The following GPHN variants were observed in gnomAD, a reference collection of about 807,000 sequenced individuals.
GPHN encodes the protein gephyrin.
In GPHN, 17 loss-of-function variants were observed where a neutral mutation model predicts 95.5. The ratio of observed to expected loss-of-function variants is 0.18; its 90% confidence interval spans 0.12 to 0.27. The LOEUF (loss-of-function observed/expected upper bound fraction) is 0.27, where lower values mean the gene tolerates loss of function less well. GPHN is among the 10% of genes least tolerant of loss of function. The probability of loss-of-function intolerance (pLI) is 1.00; values close to 1 mark genes in which losing one functional copy is unlikely to be tolerated. For missense variants in GPHN, 660 were observed against 978.1 expected (o/e 0.67, Z 4.34); for synonymous variants, 320 against 322.5 (o/e 0.99, Z 0.08).
the GPHN span, chr14:67,208,507 A>G: frequency 0.15 from 231,983 of 1,549,768 alleles, 24,916 homozygotes; most frequent in East Asian, 0.43. Flanking sequence ...TAATAAAGAA[A>G]TATGTGCTTT....
chr14:67,317,613 G>A, the GPHN span: 1 of 542,916 alleles, frequency 1.8e-6, no homozygotes, highest in Non-Finnish European at 3.2e-6. Context: ...GGAATCCTGT[G>A]AGTAAGGCAG....
the GPHN span, among the ~76,000 whole-genome samples, chr14:67,730,788 G>T: frequency 2.0e-5 from 3 of 152,042 alleles, no homozygotes; most frequent in African/African-American, 7.2e-5. Context: ...ATTTTTAGTC[G>T]AGATGGGCTT....
chr14:67,641,187 A>C, the GPHN span, among the ~76,000 whole-genome samples: 45 of 152,294 alleles, frequency 3.0e-4, no homozygotes, highest in African/African-American at 1.1e-3. Flanking sequence ...AAGATGATTT[A>C]AAATATTATA....
At chr14:67,205,569 AAAC>A in the GPHN span, among the ~76,000 whole-genome samples, 1 of 152,366 alleles carries the variant, frequency 6.6e-6, no homozygotes, top group East Asian at 1.9e-4. Context: ...GGATAATAAA[AAAC>A]AAAACAAAGT....
the GPHN span, chr14:67,559,696 G>T: frequency 6.3e-7 from 1 of 1,593,220 alleles, no homozygotes; most frequent in South Asian, 1.1e-5. Flanking sequence ...GCAAAGGTGG[G>T]TTGGAAACTC....
the GPHN span, chr14:67,706,084 A>G: frequency 6.6e-6 from 1 of 152,096 alleles, no homozygotes. Flanking sequence ...GTTCAGCATC[A>G]ATATAGTGAC....
chr14:67,196,961 C>T, the GPHN span: 1 of 152,098 alleles, frequency 6.6e-6, no homozygotes, highest in Non-Finnish European at 1.5e-5. Flanking sequence ...CAGGCTCTCG[C>T]TCTGATGCCC....
At chr14:66,850,078 C>T (rs186481445) in intron 4 of GPHN, among the ~76,000 whole-genome samples, 3 of 152,060 alleles carry the variant, frequency 2.0e-5, no homozygotes, top group East Asian at 1.9e-4. Context: ...TCTAACTATC[C>T]TTTTCTTATG....
At chr14:67,678,273 C>T in the GPHN span, 1 of 1,161,464 alleles carries the variant, frequency 8.6e-7, no homozygotes, top group South Asian at 1.2e-5. Context: ...ACAAGAAGTA[C>T]TGTGTAGTCT....
chr14:66,966,085 C>A (rs1275941536), intron 9 of GPHN, among the ~76,000 whole-genome samples: 1 of 152,064 alleles, frequency 6.6e-6, no homozygotes, highest in Non-Finnish European at 1.5e-5. Flanking sequence ...ATATTGGTAT[C>A]AAAAGATTAA....
the GPHN span, among the ~76,000 whole-genome samples, chr14:67,219,233 G>A: frequency 3.3e-5 from 5 of 152,166 alleles, no homozygotes; most frequent in Admixed American, 3.3e-4. Flanking sequence ...AGGACTGTAG[G>A]TGTTTTTGGT....
chr14:67,047,334 TTG>T lies in GPHN; in HGVS notation c.1007-11287_1007-11286del, dbSNP rs778266656. ...TCATTTATTTTGTGTGTGTGTGTGT[TTG>T]TGTGTGTGTGTGTGTGTGTGTGTGT... On this transcript the variant is annotated intron_variant, in intron 10 of 22. Transcript: ENST00000478722. 4.4e-3 allele frequency among the ~76,000 whole-genome samples: 484 copies of T among 109,704 alleles called. 5 individuals are homozygous for T. The highest frequency in any genetic ancestry group is 0.026 in the Middle Eastern group (5 of 192). The allele number at this position is 109,704 out of a possible 152,430, so 72.0% of individuals were successfully genotyped here. A position where few individuals can be genotyped will look rare whatever the true frequency, so the allele number is the denominator to read the frequency against.
At chr14:67,301,932 C>T in the GPHN span, 1 of 1,564,416 alleles carries the variant, frequency 6.4e-7, no homozygotes, top group Non-Finnish European at 8.6e-7. Flanking sequence ...AGAAATAAAT[C>T]ATGCTGTTAC....
intron 1 of GPHN, among the ~76,000 whole-genome samples, chr14:66,590,791 C>T (rs1290363221): frequency 6.6e-6 from 1 of 152,178 alleles, no homozygotes; most frequent in East Asian, 1.9e-4. Flanking sequence ...GGAATCCTCC[C>T]TAACTCATTT....
the GPHN span, chr14:67,578,993 C>T: frequency 1.5e-6 from 1 of 657,502 alleles, no homozygotes; most frequent in East Asian, 2.7e-5. The surrounding 1 kb of genome is among the most constrained non-coding windows in gnomAD (Gnocchi z 5.0). Flanking sequence ...AATTAATGTC[C>T]CAGACCAGAG....
At chr14:67,091,394 T>C (rs551880413) in intron 12 of GPHN, among the ~76,000 whole-genome samples, 10 of 151,728 alleles carry the variant, frequency 6.6e-5, no homozygotes, top group African/African-American at 1.9e-4. Context: ...CTTTTTTTTT[T>C]CCCAATGTCA....
Position 66,785,632 on chromosome 14 carries a change from G to C in GPHN, c.201+9111G>C, listed in dbSNP as rs140143346. ...CATTTACCTTGGAAAACCATATCCT[G>C]AATCATAAAACAAACCAAAACAGTA... On this transcript the variant is annotated intron_variant, in intron 3 of 22. Coordinates refer to ENST00000478722, the MANE Select transcript of GPHN (RefSeq NM_020806.5). 8.8e-3 allele frequency among the ~76,000 whole-genome samples: 1,221 copies of C among 138,904 alleles called. 18 individuals are homozygous for C. Among genetic ancestry groups the C allele is most frequent in the East Asian group, 0.061 (282 of 4,598 alleles). The allele number at this position is 138,904 out of a possible 152,430, so 91.1% of individuals were successfully genotyped here. A position where few individuals can be genotyped will look rare whatever the true frequency, so the allele number is the denominator to read the frequency against.
At chr14:67,539,850 G>A in the GPHN span, among the ~76,000 whole-genome samples, 1 of 152,124 alleles carries the variant, frequency 6.6e-6, no homozygotes, top group African/African-American at 2.4e-5. Flanking sequence ...TGTTTCACAG[G>A]TTGTTGTAAG....
chr14:67,006,665 G>A lies in GPHN; in HGVS notation c.964-16968G>A, dbSNP rs17103815. Among the ~76,000 whole-genome samples the A allele has an allele frequency of 3.0e-3, 457 of 152,232 alleles. 3 individuals carry two copies. Among genetic ancestry groups the A allele is most frequent in the African/African-American group, 0.011 (439 of 41,568 alleles). ...GGGAAATCCCTAGAAATGAAAGTGT[G>A]AACTGAGGTAAAAATGGTCTTCAGT... On this transcript the variant is annotated intron_variant, in intron 9 of 22. Coordinates refer to ENST00000478722, the MANE Select transcript of GPHN (RefSeq NM_020806.5).
Sources: gnomAD v4.1 joint callset for allele counts (sites outside exome capture counted in the v4.1 genomes callset) on GRCh38, gnomAD v4.1.1 for gene constraint, Gnocchi (gnomAD v3.1) non-coding constraint, MANE v1.5 for transcripts, NCBI Gene and HGNC (gene_info 2026-07-23, HGNC 2026-07-21) for gene names.